The following ITPR3 variants were observed in gnomAD, a reference collection of about 807,000 sequenced individuals.
ITPR3 encodes the protein inositol 1,4,5-trisphosphate receptor type 3.
In ITPR3, 173 loss-of-function variants were observed where a neutral mutation model predicts 293.2. The observed-to-expected ratio is 0.59, with a 90% CI of 0.52 to 0.67. ITPR3 has a LOEUF of 0.67. ITPR3 is among the 30% of genes least tolerant of loss of function. The probability of loss-of-function intolerance (pLI) is 0.00; values close to 1 mark genes in which losing one functional copy is unlikely to be tolerated. For synonymous variants in ITPR3, 1,295 were observed against 1,444.4 expected (o/e 0.90, Z 2.35); for missense variants, 2,796 against 3,592.1 (o/e 0.78, Z 5.66).
At position 33,678,731 on chromosome 6, in the gene ITPR3, C is replaced by G. The variant is rs1204933065; in HGVS notation, c.3864C>G (p.His1288Gln). Reference sequence around the variant, plus strand: ...AGCCTGTGTTGCAGCACTTCGTGCACCTGCTGGCCACGCACGGGCGCCATG... The same window carrying G: ...AGCCTGTGTTGCAGCACTTCGTGCAGCTGCTGGCCACGCACGGGCGCCATG... ...ISEPVLQHFV[H>Q]LLATHGRHVQ... The change falls in exon 30 of 58, where the codon CAC becomes CAG. Residue 1288 changes from histidine (H) to glutamine (Q), a missense_variant. Coordinates refer to ENST00000605930, the MANE Select transcript of ITPR3 (RefSeq NM_002224.4). The G allele has an allele frequency of 6.2e-7, 1 of 1,613,422 alleles. No homozygotes were observed. Among genetic ancestry groups the G allele is most frequent in the Non-Finnish European group, 8.5e-7 (1 of 1,179,920 alleles).
At position 33,662,514 on chromosome 6, in the gene ITPR3, C is replaced by A; in HGVS notation, c.712-14C>A. The A allele has an allele frequency of 6.4e-7, 1 of 1,571,252 alleles. No individual in the cohort carries two copies. The highest frequency in any genetic ancestry group is 2.4e-5 in the East Asian group (1 of 42,326). On this transcript the variant is annotated splice_polypyrimidine_tract_variant and intron_variant, in intron 7 of 57. Transcript: ENST00000605930. ...GGGCCGCAGCCATCCTGAGCCACAC[C>A]CTGCTGCCTGCAGGGAGACGTGGTG...
At position 33,682,781 on chromosome 6, in the gene ITPR3, C is replaced by G; in HGVS notation, c.4597+137C>G. Reference sequence around the variant, plus strand: ...CCCAGGTGGTTGTCAGTAAGTTCTTCTTGGCGTCTGCCTCATCCTGGCAAT... The same window carrying G: ...CCCAGGTGGTTGTCAGTAAGTTCTTGTTGGCGTCTGCCTCATCCTGGCAAT... On this transcript the variant is annotated intron_variant, in intron 34 of 57. Transcript: ENST00000605930. The surrounding 1 kb of genome is among the most constrained non-coding windows in gnomAD (Gnocchi z 5.4). 8.6e-7 allele frequency: 1 copy of G among 1,161,698 alleles called. No individual in the cohort carries two copies. 72.0% of individuals were successfully genotyped at this position (1,161,698 alleles called of 1,614,324 possible). A position where few individuals can be genotyped will look rare whatever the true frequency, so the allele number is the denominator to read the frequency against.
rs1175069097 is a variant in ITPR3 at position 33,692,663 on chromosome 6, G to A, written c.7459-65G>A. On this transcript the variant is annotated intron_variant, in intron 54 of 57. Coordinates refer to ENST00000605930, the MANE Select transcript of ITPR3 (RefSeq NM_002224.4). The surrounding 1 kb of genome is among the most constrained non-coding windows in gnomAD (Gnocchi z 4.2). ...TATCACAGCCCTGGCCCCAACCTGA[G>A]TCCTATCTTGCCCCAGTGAATGTGG... 15 of 1,536,472 alleles carry A rather than the reference G, an allele frequency of 9.8e-6. No individual in the cohort carries two copies. The Admixed American group carries it at 2.1e-4, about 21-fold the overall frequency.
At chr6:33,689,579 T>C (rs576445438) in intron 50 of ITPR3, among the ~76,000 whole-genome samples, 169 bp downstream of exon 50, 27 of 152,332 alleles carry the variant, frequency 1.8e-4, no homozygotes, top group African/African-American at 6.5e-4. Flanking sequence ...CTGTACCTTC[T>C]TCCTTTCCCT....
At chr6:33,662,436 A>C (rs1764496564) in intron 7 of ITPR3, 92 bp from the exon 8 acceptor site, 2 of 1,435,636 alleles carry the variant, frequency 1.4e-6, no homozygotes, top group Admixed American at 4.3e-5. Flanking sequence ...CCAGCAGCCA[A>C]CCCTGTCTGA....
At chr6:33,694,801 C>T (rs1332605089) in intron 56 of ITPR3, 123 bp from the exon 57 acceptor site, 3 of 1,239,706 alleles carry the variant, frequency 2.4e-6, no homozygotes, top group East Asian at 2.4e-5. Context: ...TCCCATGACA[C>T]ATCCCTGACG....
rs1763509047 is a variant in ITPR3 at position 33,624,429 on chromosome 6, C to T, written c.89+2738C>T. On this transcript the variant is annotated intron_variant, in intron 1 of 57. Transcript: ENST00000605930. The surrounding 1 kb of genome is among the most constrained non-coding windows in gnomAD (Gnocchi z 4.7). Reference sequence around the variant, plus strand: ...GTAATCAGTCCAGCAGCTTCAGCGTCACCAGGAAGTTTGTCAGAAATGCAG... The same window carrying T: ...GTAATCAGTCCAGCAGCTTCAGCGTTACCAGGAAGTTTGTCAGAAATGCAG... Among the ~76,000 whole-genome samples, 1 of 152,228 alleles carries T rather than the reference C, an allele frequency of 6.6e-6. No homozygotes were observed. The highest frequency in any genetic ancestry group is 2.4e-5 in the African/African-American group (1 of 41,450).
rs200123519 is a variant in ITPR3, at chr6:33,655,771, C to G, written c.166C>G (p.Leu56Val). Residue 56 changes from leucine to valine, a missense_variant, in exon 3 of 58, where the codon CTC (leucine) becomes GTC (valine). Around this residue, in one of 8 missense-constraint regions of ITPR3, gnomAD observed 53 missense variants for 45.7 expected, o/e 1.16. Coordinates refer to ENST00000605930, the MANE Select transcript of ITPR3 (RefSeq NM_002224.4). This position sits in a 1 kb window ranked among gnomAD's most constrained non-coding sequence, Gnocchi z 4.9. ...DNPPKKFRDCLFKVCPMNRYS... is the reference protein window; with the variant it reads ...DNPPKKFRDCVFKVCPMNRYS... Reference sequence around the variant, plus strand: ...CCCAACCTGCCCCACCACAGACTGCCTCTTCAAGGTGTGCCCCATGAACCG... The same window carrying G: ...CCCAACCTGCCCCACCACAGACTGCGTCTTCAAGGTGTGCCCCATGAACCG... 1.9e-5 allele frequency: 31 copies of G among 1,613,992 alleles called. No homozygotes were observed. Among genetic ancestry groups the G allele is most frequent in the Non-Finnish European group, 2.5e-5 (30 of 1,180,004 alleles).
intron 22 of ITPR3, among the ~76,000 whole-genome samples, chr6:33,673,029 T>C (rs115396794): frequency 1.2e-3 from 181 of 152,310 alleles, no homozygotes; most frequent in African/African-American, 3.8e-3. Flanking sequence ...TGACTCATTC[T>C]GAGGGCTGGG....
In ITPR3 at chr6:33,632,861, C is replaced by G. The variant is rs1249728691; in HGVS notation, c.90-7623C>G. Among the ~76,000 whole-genome samples, 22 of 152,202 alleles carry G rather than the reference C, an allele frequency of 1.4e-4. No individual in the cohort carries two copies. The highest frequency in any genetic ancestry group is 3.2e-4 in the Non-Finnish European group (22 of 68,022). On this transcript the variant is annotated intron_variant, in intron 1 of 57. Transcript: ENST00000605930. The surrounding 1 kb of genome is among the most constrained non-coding windows in gnomAD (Gnocchi z 4.1). ...CTGTCCTCGGCACTCAGCGTGGTCGCAGGAGATCCCAGAGGGTGGGGACCA... is the reference window on the plus strand; with the variant it reads ...CTGTCCTCGGCACTCAGCGTGGTCGGAGGAGATCCCAGAGGGTGGGGACCA...
At chr6:33,622,162 T>C (rs1325357290) in intron 1 of ITPR3, among the ~76,000 whole-genome samples, 1 of 152,090 alleles carries the variant, frequency 6.6e-6, no homozygotes, top group Non-Finnish European at 1.5e-5. Flanking sequence ...CACCTTCTCC[T>C]CACAGCTCTC....
Position 33,675,589 on chromosome 6 carries a change from T to C in ITPR3, c.3117-102T>C. 2 of 1,299,144 alleles carry C rather than the reference T, an allele frequency of 1.5e-6. No individual in the cohort carries two copies. The highest frequency in any genetic ancestry group is 1.5e-5 in the South Asian group (1 of 66,758). 80.5% of individuals were successfully genotyped at this position (1,299,144 alleles called of 1,614,324 possible). On this transcript the variant is annotated intron_variant, in intron 24 of 57. Transcript: ENST00000605930. The surrounding 1 kb of genome is among the most constrained non-coding windows in gnomAD (Gnocchi z 5.0). The stretch of plus-strand genomic sequence containing the variant: ...TTTAGACTGGCCCTGCATCTGCTAA[T>C]TGGGTGGCGGAGAGTGTGCTTGTGC...
At position 33,692,041 on chromosome 6, in the gene ITPR3, T is replaced by C; in HGVS notation, c.7458+113T>C. ...GTCAGATATTCAGGGTTGAACCCCC[T>C]CCCCCGAACTTGTATCCACTTTTCC... On this transcript the variant is annotated intron_variant, in intron 54 of 57. Transcript: ENST00000605930. This position sits in a 1 kb window ranked among gnomAD's most constrained non-coding sequence, Gnocchi z 4.2. 1 of 1,398,548 alleles carries C rather than the reference T, an allele frequency of 7.2e-7. No individual in the cohort carries two copies. 86.6% of individuals were successfully genotyped at this position (1,398,548 alleles called of 1,614,324 possible).
At chr6:33,635,873 G>A (rs1047119121) in intron 1 of ITPR3, among the ~76,000 whole-genome samples, 4 of 152,108 alleles carry the variant, frequency 2.6e-5, no homozygotes, top group Middle Eastern at 3.4e-3. Context: ...TGCGATCAGA[G>A]ATGTGAGGGG....
chr6:33,662,183 G>GT (rs762335922), intron 7 of ITPR3, among the ~76,000 whole-genome samples: 132 of 151,878 alleles, frequency 8.7e-4, no homozygotes, highest in Non-Finnish European at 1.6e-3. Flanking sequence ...AGGGGGTAAG[G>GT]TCCCCCTCCT....
intron 11 of ITPR3, 105 bp downstream of exon 11, chr6:33,663,985 CT>C: frequency 7.1e-7 from 1 of 1,403,820 alleles, no homozygotes; most frequent in Non-Finnish European, 9.7e-7. Context: ...TCCTGCGGTC[CT>C]TTAGCCTCTG....
Position 33,694,409 on chromosome 6 carries a change from C to A in ITPR3, c.7786-515C>A, listed in dbSNP as rs9296098. 8.3e-3 allele frequency: 1,440 copies of A among 173,116 alleles called. 32 individuals are homozygous for A. Among genetic ancestry groups the A allele is most frequent in the African/African-American group, 0.03 (1,265 of 41,682 alleles). 10.7% of individuals were successfully genotyped at this position (173,116 alleles called of 1,614,324 possible). Reference sequence around the variant, plus strand: ...AGAATTGCTTGGTGCCCCCTCCCCCCCCGACTCCTCTGTCCTGGGAAACGT... The same window carrying A: ...AGAATTGCTTGGTGCCCCCTCCCCCACCGACTCCTCTGTCCTGGGAAACGT... On this transcript the variant is annotated intron_variant, in intron 56 of 57. Transcript: ENST00000605930.
chr6:33,647,940 G>A (rs1194830347), intron 2 of ITPR3, among the ~76,000 whole-genome samples: 1 of 152,028 alleles, frequency 6.6e-6, no homozygotes, highest in East Asian at 1.9e-4. Context: ...CCCCGCTGCC[G>A]TTGTATCATT....
chr6:33,650,292 T>A (rs573061311), intron 2 of ITPR3, among the ~76,000 whole-genome samples: 3 of 152,384 alleles, frequency 2.0e-5, no homozygotes, highest in South Asian at 4.1e-4. Context: ...GCCCCGAGTC[T>A]ACCCACTTGT....
Sources: gnomAD v4.1 joint callset for allele counts (sites outside exome capture counted in the v4.1 genomes callset) on GRCh38, gnomAD v4.1.1 for gene constraint, gnomAD v4.1.1 regional missense constraint, Gnocchi (gnomAD v3.1) non-coding constraint, MANE v1.5 for transcripts, NCBI Gene and HGNC (gene_info 2026-07-23, HGNC 2026-07-21) for gene names.